CNTN5: variants seen among roughly 807,000 people sequenced by gnomAD.
CNTN5 encodes contactin-5.
Under a neutral mutation model 129.1 loss-of-function variants are expected in CNTN5, and 77 were observed. The ratio of observed to expected loss-of-function variants is 0.60; its 90% CI spans 0.50 to 0.72. The LOEUF is 0.72. Among genes scored for constraint, CNTN5 ranks in the 30% least tolerant of loss-of-function variants. The pLI is 0.00. For missense variants in CNTN5, 1,478 were observed against 1,328.8 expected, an observed-to-expected ratio of 1.11 and a Z score of -1.75; for synonymous variants, 509 against 465.6, an observed-to-expected ratio of 1.09 and a Z score of -1.20.
intron 3 of CNTN5, among the ~76,000 whole-genome samples, chr11:99,770,107 C>A (rs986359346): frequency 2.6e-5 from 4 of 151,952 alleles, no homozygotes; most frequent in Admixed American, 2.0e-4. Flanking sequence ...TCAGCTAAAT[C>A]TTTTTAAAAT....
chr11:99,336,305 G>C (rs1215352443), intron 2 of CNTN5, among the ~76,000 whole-genome samples: 1 of 152,152 alleles, frequency 6.6e-6, no homozygotes, highest in Non-Finnish European at 1.5e-5. Flanking sequence ...TGCACTCTGA[G>C]TTGCTTGAAT....
chr11:99,193,883 G>C (rs1591339827), intron 1 of CNTN5, among the ~76,000 whole-genome samples: 1 of 152,258 alleles, frequency 6.6e-6, no homozygotes, highest in African/African-American at 2.4e-5. Context: ...GGAAAAGTCA[G>C]AAGACACAAA....
At chr11:99,373,521 T>C (rs1001026531) in intron 2 of CNTN5, among the ~76,000 whole-genome samples, 6 of 151,822 alleles carry the variant, frequency 4.0e-5, no homozygotes, top group Non-Finnish European at 7.4e-5. Context: ...AAAGACCAGC[T>C]TGACCAATAT....
intron 9 of CNTN5, among the ~76,000 whole-genome samples, chr11:100,036,248 T>C (rs1379749335): frequency 6.6e-6 from 1 of 152,164 alleles, no homozygotes; most frequent in East Asian, 1.9e-4. Context: ...TGCTTGTTTT[T>C]GTCAGGTTTG....
intron 1 of CNTN5, among the ~76,000 whole-genome samples, chr11:99,205,948 A>C (rs932582132): frequency 2.0e-5 from 3 of 152,108 alleles, no homozygotes; most frequent in Non-Finnish European, 2.9e-5. Flanking sequence ...GATAGACTAT[A>C]TGACTTGAAA....
chr11:99,465,942 T>C (rs978093826), intron 2 of CNTN5, among the ~76,000 whole-genome samples: 1 of 137,694 alleles, frequency 7.3e-6, no homozygotes, highest in Admixed American at 8.3e-5. Flanking sequence ...AGTGCAGTGG[T>C]GCGATCTCGG....
Position 99,136,814 on chromosome 11 carries a change from A to C in CNTN5, c.-210+115544A>C, listed in dbSNP as rs1309739099. On this transcript the variant is annotated intron_variant, in intron 1 of 24. Transcript: ENST00000524871. ...AATGGATGGGTGATATCTGTGTTTC[A>C]TCCCACTGTTGATGAATTTTGGCAG... Among the ~76,000 whole-genome samples, 13 of 152,232 alleles carry C rather than the reference A, an allele frequency of 8.5e-5. No homozygotes were observed. In the South Asian group the frequency reaches 1.2e-3, roughly 15 times the overall value.
chr11:100,003,568 GA>G (rs1328097222), intron 9 of CNTN5, among the ~76,000 whole-genome samples: 4 of 152,098 alleles, frequency 2.6e-5, no homozygotes, highest in African/African-American at 9.7e-5. Flanking sequence ...AAACAAATTA[GA>G]AAACTAGACT....
At chr11:99,872,992 T>C (rs1948542026) in intron 6 of CNTN5, among the ~76,000 whole-genome samples, 1 of 152,160 alleles carries the variant, frequency 6.6e-6, no homozygotes, top group Admixed American at 6.6e-5. Flanking sequence ...GTCCACTTGA[T>C]GTTTATTTCA....
At chr11:99,895,860 A>G (rs1318294590) in intron 6 of CNTN5, among the ~76,000 whole-genome samples, 1 of 152,100 alleles carries the variant, frequency 6.6e-6, no homozygotes, top group Non-Finnish European at 1.5e-5. Flanking sequence ...CCACTGAGAA[A>G]GGAGACACAG....
At chr11:100,039,840 C>G (rs1434709632) in intron 9 of CNTN5, among the ~76,000 whole-genome samples, 1 of 152,200 alleles carries the variant, frequency 6.6e-6, no homozygotes, top group South Asian at 2.1e-4. Flanking sequence ...AAGGACTTCT[C>G]TGCATTGGTT....
chr11:99,970,202 C>A (rs1951211245), intron 8 of CNTN5, among the ~76,000 whole-genome samples: 1 of 152,140 alleles, frequency 6.6e-6, no homozygotes, highest in Middle Eastern at 3.2e-3. Flanking sequence ...TGGCTTTGAA[C>A]TCCTTCTTTC....
At chr11:100,104,728 A>G (rs973234916) in intron 13 of CNTN5, among the ~76,000 whole-genome samples, 3 of 152,162 alleles carry the variant, frequency 2.0e-5, no homozygotes, top group Admixed American at 2.0e-4. Context: ...AGGACATAGT[A>G]TATATCTGGG....
At chr11:99,959,878 T>A (rs1334001062) in intron 8 of CNTN5, among the ~76,000 whole-genome samples, 3 of 152,172 alleles carry the variant, frequency 2.0e-5, no homozygotes, top group African/African-American at 7.2e-5. Flanking sequence ...ACATTTGTTT[T>A]TTTCTGTAAC....
intron 18 of CNTN5, among the ~76,000 whole-genome samples, chr11:100,286,230 A>C (rs1950786367): frequency 6.6e-6 from 1 of 152,226 alleles, no homozygotes; most frequent in African/African-American, 2.4e-5. Flanking sequence ...GCAGCAGGGA[A>C]GCTCCAACTG....
chr11:99,253,697 C>T (rs568263548), intron 1 of CNTN5, among the ~76,000 whole-genome samples: 15 of 151,726 alleles, frequency 9.9e-5, no homozygotes, highest in African/African-American at 3.4e-4. Context: ...CATTATCCCT[C>T]GTTGCTGTAT....
At chr11:99,126,703 C>A (rs1368959918) in intron 1 of CNTN5, among the ~76,000 whole-genome samples, 1 of 152,206 alleles carries the variant, frequency 6.6e-6, no homozygotes, top group African/African-American at 2.4e-5. Flanking sequence ...TACAAGTGTT[C>A]ATCTCTCAGC....
intron 3 of CNTN5, among the ~76,000 whole-genome samples, chr11:99,727,590 A>G (rs1339827970): frequency 8.9e-6 from 1 of 111,776 alleles, no homozygotes; most frequent in Non-Finnish European, 1.8e-5. Context: ...TTAAATTACT[A>G]TTGTCCTTTA....
chr11:99,142,891 T>C (rs944212686), intron 1 of CNTN5, among the ~76,000 whole-genome samples: 4 of 152,144 alleles, frequency 2.6e-5, no homozygotes, highest in African/African-American at 9.7e-5. Context: ...TCATGTCTAT[T>C]TAACTCACCT....
Sources: gnomAD v4.1 joint callset for allele counts (sites outside exome capture counted in the v4.1 genomes callset) on GRCh38, gnomAD v4.1.1 for gene constraint, MANE v1.5 for transcripts, NCBI Gene and HGNC (gene_info 2026-07-23, HGNC 2026-07-21) for gene names.